Variants in CDH26 observed in about 807,000 individuals in gnomAD.
CDH26 encodes the protein cadherin-like protein 26.
Under a neutral mutation model 90.3 loss-of-function variants are expected in CDH26, and 83 were observed. The observed-to-expected ratio is 0.92, with a 90% CI of 0.77 to 1.10. The LOEUF is 1.10. Ranked by LOEUF, CDH26 falls within the 50% of genes least tolerant of loss-of-function variation. The probability of loss-of-function intolerance (pLI) is 0.00; values close to 1 mark genes in which losing one functional copy is unlikely to be tolerated. For synonymous variants in CDH26, 397 were observed against 396.3 expected, an observed-to-expected ratio of 1.00 and a Z score of -0.02; for missense variants, 1,013 against 1,037.6, an observed-to-expected ratio of 0.98 and a Z score of 0.33.
chr20:59,987,336 A>G, intron 7 of CDH26, 117 bp from the exon 8 acceptor site: 2 of 862,378 alleles, frequency 2.3e-6, no homozygotes, highest in East Asian at 2.8e-5. Flanking sequence ...GAGGAGCAAC[A>G]TTCTTTCTCC....
At chr20:60,017,116 TGCTG>T (rs2061911693), downstream of CDH26, among the ~76,000 whole-genome samples, 1 of 152,076 alleles carries the variant, frequency 6.6e-6, no homozygotes, top group Non-Finnish European at 1.5e-5. Context: ...ATGAGAGTTA[TGCTG>T]GCCTCATAGA....
At chr20:60,001,822 C>A (rs1288309107) in intron 15 of CDH26, among the ~76,000 whole-genome samples, 1 of 152,208 alleles carries the variant, frequency 6.6e-6, no homozygotes, top group Non-Finnish European at 1.5e-5. Flanking sequence ...GTTGTGTCTT[C>A]TTGTACTCTA....
At chr20:60,018,702 C>CTTTTGTTTTTTTTTTTTTTTTTT (rs2061926953), downstream of CDH26, among the ~76,000 whole-genome samples, 2 of 17,816 alleles carry the variant, frequency 1.1e-4, no homozygotes, top group African/African-American at 4.6e-4. Flanking sequence ...CTCTTACTGC[C>CTTTTGTTTTTTTTTTTTTTTTTT]TTTTTTTTTT....
At chr20:59,982,771 T>G (rs962609219) in intron 4 of CDH26, 152 bp from the exon 5 acceptor site, 1 of 807,108 alleles carries the variant, frequency 1.2e-6, no homozygotes, top group African/African-American at 1.7e-5. Context: ...TCTGGGGTAC[T>G]TGGTAAATGA....
In CDH26 at chr20:59,984,640, G is replaced by A; in HGVS notation, c.543G>A (p.Gly181=). ...NITVQENQSA[G]QPIFQMLAVD... is the part of the protein sequence containing the mutation. ...ACAATTTTTAAAAATTCTTTCTAGG[G>A]CAACCTATTTTTCAGATGTTAGCAG... Residue 181 remains glycine, a splice_region_variant and synonymous_variant, in exon 6 of 18, where the codon GGG becomes GGA. Transcript: ENST00000348616. The A allele has an allele frequency of 6.2e-7, 1 of 1,606,356 alleles. No individual in the cohort carries two copies. Among genetic ancestry groups the A allele is most frequent in the East Asian group, 2.2e-5 (1 of 44,784 alleles).
intron 11 of CDH26, among the ~76,000 whole-genome samples, chr20:59,995,323 C>T (rs1188816401): frequency 6.6e-6 from 1 of 152,162 alleles, no homozygotes; most frequent in Non-Finnish European, 1.5e-5. Flanking sequence ...ACCAGAGAGG[C>T]TGGAGACTGA....
intron 7 of CDH26, among the ~76,000 whole-genome samples, chr20:60,022,742 T>C (rs2061967870): frequency 6.6e-6 from 1 of 152,198 alleles, no homozygotes. Flanking sequence ...GAAATTTGTG[T>C]GTCAAAGGCC....
Position 59,989,039 on chromosome 20 carries a change from G to A in CDH26, c.1159G>A (p.Val387Met). Residue 387 changes from valine to methionine, a missense_variant, in exon 9 of 18, where the codon GTG becomes ATG. Transcript: ENST00000348616. ...AGCCAGCGCCACTGTGAGTGTGCAG[G>A]TGACAGACGCCAACGACCCACCAGC... ...AAASATVSVQ[V>M]TDANDPPAFH... The A allele has an allele frequency of 6.2e-7, 1 of 1,614,190 alleles. No individual in the cohort carries two copies. The highest frequency in any genetic ancestry group is 8.5e-7 in the Non-Finnish European group (1 of 1,180,038).
intron 1 of CDH26, among the ~76,000 whole-genome samples, chr20:59,963,077 A>C (rs2061096882): frequency 6.6e-6 from 1 of 152,152 alleles, no homozygotes; most frequent in African/African-American, 2.4e-5. Context: ...GTATGTTAAA[A>C]AGGAATAATA....
At chr20:60,025,337 T>C (rs2061988587) in intron 7 of CDH26, among the ~76,000 whole-genome samples, 1 of 152,206 alleles carries the variant, frequency 6.6e-6, no homozygotes, top group African/African-American at 2.4e-5. Context: ...TTTAAACAAG[T>C]ATATGTACAA....
chr20:59,969,991 C>T (rs2061234520), intron 2 of CDH26, 91 bp from the exon 3 acceptor site: 1 of 1,521,500 alleles, frequency 6.6e-7, no homozygotes, highest in Non-Finnish European at 8.8e-7. Context: ...GGTGTCAGCA[C>T]AGGGCCTTTA....
chr20:60,004,718 A>G (rs559162985), intron 16 of CDH26, among the ~76,000 whole-genome samples: 1 of 148,896 alleles, frequency 6.7e-6, no homozygotes. Flanking sequence ...GTGAGCCAAG[A>G]TCGCGCCACT....
chr20:59,963,858 TA>T lies in CDH26; in HGVS notation c.69+5075del, dbSNP rs997396920. Among the ~76,000 whole-genome samples, 775 of 139,612 alleles carry T rather than the reference TA, an allele frequency of 5.6e-3. 3 individuals carry two copies. The highest frequency in any genetic ancestry group is 0.016 in the African/African-American group (624 of 38,182). The allele number at this position is 139,612 out of a possible 152,430, so 91.6% of individuals were successfully genotyped here. ...AGAGGCTTTCCTCATCATCCAAAAA[TA>T]AAAAAAAAAAAGAGGCTTTCCTCAC... On this transcript the variant is annotated intron_variant, in intron 1 of 17. Transcript: ENST00000348616.
intron 7 of CDH26, among the ~76,000 whole-genome samples, chr20:59,987,241 G>A (rs778700330): frequency 4.6e-5 from 7 of 152,272 alleles, no homozygotes; most frequent in African/African-American, 1.2e-4. Flanking sequence ...ATATTCCAAC[G>A]GATGCACCTT....
chr20:60,023,644 T>C (rs922516697), intron 7 of CDH26, among the ~76,000 whole-genome samples: 1 of 152,172 alleles, frequency 6.6e-6, no homozygotes, highest in African/African-American at 2.4e-5. Context: ...TGGCTACTGC[T>C]GGCCAGTACC....
At chr20:59,985,665 C>T (rs929394033) in intron 7 of CDH26, among the ~76,000 whole-genome samples, 6 of 152,104 alleles carry the variant, frequency 3.9e-5, no homozygotes, top group Admixed American at 2.0e-4. Context: ...CAATCTATAT[C>T]GCGCAGTCAC....
rs1025866400 is a variant in CDH26, at chr20:59,974,266, C to T, written c.393+2143C>T. ...TTTTTTTTCTTGTAATTTTAAGTTCCTTATAGATGCTAGATATTAAATCTT... is the reference window on the plus strand; with the variant it reads ...TTTTTTTTCTTGTAATTTTAAGTTCTTTATAGATGCTAGATATTAAATCTT... On this transcript the variant is annotated intron_variant, in intron 4 of 17. Coordinates refer to ENST00000348616, the MANE Select transcript of CDH26 (RefSeq NM_177980.4). Among the ~76,000 whole-genome samples the T allele has an allele frequency of 4.0e-5, 6 of 151,882 alleles. No individual in the cohort carries two copies. In the East Asian group the frequency reaches 7.7e-4, roughly 20 times the overall value.
intron 8 of CDH26, 24 bp downstream of exon 8, chr20:59,987,662 C>A: frequency 1.3e-6 from 2 of 1,580,652 alleles, no homozygotes; most frequent in Non-Finnish European, 1.7e-6. Flanking sequence ...GGTGACATAC[C>A]AACCAGTTAG....
chr20:59,974,953 C>T (rs965031806), intron 4 of CDH26, among the ~76,000 whole-genome samples: 2 of 152,108 alleles, frequency 1.3e-5, no homozygotes, highest in African/African-American at 4.8e-5. Context: ...GAGACTCTGC[C>T]TTATTGTTGA....
Sources: allele counts gnomAD v4.1 joint callset (sites outside exome capture counted in the v4.1 genomes callset), GRCh38; gene constraint gnomAD v4.1.1; transcripts MANE v1.5; gene names NCBI Gene and HGNC (gene_info 2026-07-23, HGNC 2026-07-21).